The following PAK6 variants were observed in gnomAD, a reference collection of about 807,000 sequenced individuals.
PAK6 encodes the protein serine/threonine-protein kinase PAK 6.
PAK6 carries 33 observed loss-of-function variants against 60.8 expected under a neutral mutation model. That is an observed-to-expected ratio of 0.54 (90% CI 0.41 to 0.73). The LOEUF (loss-of-function observed/expected upper bound fraction) is 0.73, where lower values mean the gene tolerates loss of function less well. PAK6 is among the 30% of genes least tolerant of loss of function. The pLI, the probability that PAK6 is intolerant of heterozygous loss-of-function variation, is 0.00. For synonymous variants in PAK6, 404 were observed against 378.5 expected (o/e 1.07, Z -0.78); for missense variants, 845 against 904.1 (o/e 0.93, Z 0.84).
Position 40,273,681 on chromosome 15 carries a change from C to A in PAK6, c.1743+5C>A. On this transcript the variant is annotated splice_donor_5th_base_variant and intron_variant, in intron 9 of 10. Transcript: ENST00000560346. ...AGGTCTTTGTATGCCACTGAGGTAA[C>A]CGTTCCCTCCACCCCCCAGACCTCC... 1 of 1,613,192 alleles carries A rather than the reference C, an allele frequency of 6.2e-7. No homozygotes were observed. The highest frequency in any genetic ancestry group is 1.7e-4 in the Middle Eastern group (1 of 6,056).
intron 3 of PAK6, among the ~76,000 whole-genome samples, chr15:40,261,333 T>C (rs2038980367): frequency 6.6e-6 from 1 of 151,398 alleles, no homozygotes; most frequent in Non-Finnish European, 1.5e-5. Flanking sequence ...AGTCAAGAGA[T>C]CGAGACCATC....
At chr15:40,241,926 A>C (rs1474560124) in intron 2 of PAK6, among the ~76,000 whole-genome samples, 4 of 152,196 alleles carry the variant, frequency 2.6e-5, no homozygotes, top group Non-Finnish European at 5.9e-5. Context: ...CTGGATGAGG[A>C]GAATGACCCA....
At chr15:40,251,391 C>T (rs2038663443) in intron 2 of PAK6, 1 of 152,102 alleles carries the variant, frequency 6.6e-6, no homozygotes, top group African/African-American at 2.4e-5. Flanking sequence ...CCACGGGTTG[C>T]CTGAGCTCTA....
At position 40,272,260 on chromosome 15, in the gene PAK6, C is replaced by A. The variant is rs769159586; in HGVS notation, c.895C>A (p.Pro299Thr). 2.3e-5 allele frequency: 37 copies of A among 1,612,048 alleles called. No individual in the cohort carries two copies. In the South Asian group the frequency reaches 4.1e-4, roughly 18 times the overall value. ...TTTCCGACCGCCGCAGAAAGACAAC[C>A]CCCCAAGCCTGGTGGCCAAGGCCCA... Residue 299 changes from proline (P) to threonine (T), a missense_variant, in exon 6 of 11, where the codon CCC (proline) becomes ACC (threonine). Pro to Thr is a conservative substitution (Grantham distance 38). Coordinates refer to ENST00000560346, the Ensembl canonical transcript of PAK6.
exon 11 of PAK6, chr15:40,276,049 G>A: frequency 6.2e-7 from 1 of 1,613,692 alleles, no homozygotes; most frequent in Non-Finnish European, 8.5e-7. Context: ...CTGAGTGCCT[G>A]GTGCCCCTGA....
chr15:40,275,459 T>C (rs1452786595), intron 10 of PAK6, among the ~76,000 whole-genome samples: 2 of 151,910 alleles, frequency 1.3e-5, no homozygotes, highest in African/African-American at 4.8e-5. Context: ...CTAATTTTTG[T>C]ATTTTTAGTA....
intron 4 of PAK6, 146 bp from the exon 5 acceptor site, chr15:40,265,696 A>G: frequency 3.1e-6 from 2 of 655,148 alleles, no homozygotes; most frequent in South Asian, 2.9e-5. Flanking sequence ...TTATGGAAAA[A>G]TTAATGGGTG....
chr15:40,261,523 C>T (rs1023716506), intron 3 of PAK6, among the ~76,000 whole-genome samples: 38 of 151,926 alleles, frequency 2.5e-4, no homozygotes, highest in African/African-American at 7.5e-4. Context: ...GGCAAGACAG[C>T]GAGACTCCAT....
intron 3 of PAK6, among the ~76,000 whole-genome samples, chr15:40,262,079 T>C (rs544629803): frequency 6.6e-6 from 1 of 152,248 alleles, no homozygotes; most frequent in East Asian, 1.9e-4. Context: ...ATTCACCAGC[T>C]CTTCTTCAGC....
intron 3 of PAK6, among the ~76,000 whole-genome samples, chr15:40,253,793 T>C (rs553643853): frequency 2.4e-4 from 37 of 152,312 alleles, no homozygotes; most frequent in Admixed American, 4.6e-4. Flanking sequence ...GCATCCGATC[T>C]GGAGTGTAGG....
rs757638158 is a variant in PAK6 at position 40,272,596 on chromosome 15, G to A, written c.1231G>A (p.Val411Met). 9.3e-6 allele frequency: 15 copies of A among 1,612,758 alleles called. No homozygotes were observed. The highest frequency in any genetic ancestry group is 1.6e-4 in the Middle Eastern group (1 of 6,062). ...CCCCCGGCTGCTGCTGGACAGCTACGTGAAGATTGGCGAGGGCTCCACCGG... is the reference window on the plus strand; with the variant it reads ...CCCCCGGCTGCTGCTGGACAGCTACATGAAGATTGGCGAGGGCTCCACCGG... Residue 411 changes from valine (V) to methionine (M), a missense_variant, in exon 6 of 11, where the codon GTG (valine) becomes ATG (methionine). Physicochemically the swap from Val to Met is conservative, Grantham distance 21. Coordinates refer to ENST00000560346, the Ensembl canonical transcript of PAK6.
At chr15:40,266,703 CTGT>C in intron 5 of PAK6, 1 of 509,510 alleles carries the variant, frequency 2.0e-6, no homozygotes. Flanking sequence ...TTCTCTGTGG[CTGT>C]TGTGTTGTTT....
chr15:40,248,727 C>T (rs1200440525), intron 2 of PAK6, among the ~76,000 whole-genome samples: 3 of 147,834 alleles, frequency 2.0e-5, no homozygotes, highest in East Asian at 4.1e-4. Context: ...GACGGTCCTC[C>T]TACCCGCACC....
intron 2 of PAK6, chr15:40,250,757 CAAAG>C (rs1290993168): frequency 6.6e-6 from 1 of 152,202 alleles, no homozygotes; most frequent in Non-Finnish European, 1.5e-5. Context: ...CATTTGTAGT[CAAAG>C]AAAATAATTC....
chr15:40,274,024 C>A (rs918597433), intron 9 of PAK6, 118 bp from the exon 10 acceptor site: 1 of 1,230,250 alleles, frequency 8.1e-7, no homozygotes, highest in Admixed American at 1.8e-5. Flanking sequence ...AGGAAGGAGA[C>A]AGACCCACCA....
chr15:40,243,600 G>A (rs1385315094), intron 2 of PAK6, among the ~76,000 whole-genome samples: 1 of 152,188 alleles, frequency 6.6e-6, no homozygotes, highest in East Asian at 1.9e-4. Context: ...CTTGTTCGGG[G>A]GAATCAGGAA....
At chr15:40,272,071 A>C (rs1019489813) in intron 5 of PAK6, among the ~76,000 whole-genome samples, 153 bp from the exon 6 acceptor site, 1 of 152,132 alleles carries the variant, frequency 6.6e-6, no homozygotes, top group Non-Finnish European at 1.5e-5. Flanking sequence ...GCTCTGTCTG[A>C]AAATCTTTGC....
At chr15:40,246,489 G>C (rs1048116517) in intron 2 of PAK6, 2 of 152,286 alleles carry the variant, frequency 1.3e-5, no homozygotes, top group Non-Finnish European at 2.9e-5. Flanking sequence ...CTCCTGGGGA[G>C]GGATGGAGCC....
intron 3 of PAK6, among the ~76,000 whole-genome samples, chr15:40,258,094 C>T (rs1265496293): frequency 1.3e-5 from 2 of 152,184 alleles, no homozygotes; most frequent in Non-Finnish European, 2.9e-5. Flanking sequence ...AAACATTTTA[C>T]TCACCCCTTG....
Sources: allele counts gnomAD v4.1 joint callset (sites outside exome capture counted in the v4.1 genomes callset), GRCh38; gene constraint gnomAD v4.1.1; transcripts MANE v1.5; gene names NCBI Gene and HGNC (gene_info 2026-07-23, HGNC 2026-07-21).